ABCC4: variants seen among roughly 807,000 people sequenced by gnomAD.
ABCC4 encodes the protein ATP-binding cassette sub-family C member 4.
ABCC4 carries 102 observed loss-of-function variants against 168.5 expected under a neutral mutation model. The ratio of observed to expected loss-of-function variants is 0.61; its 90% confidence interval spans 0.52 to 0.71. The LOEUF is 0.71. ABCC4 is among the 30% of genes least tolerant of loss of function. The probability of loss-of-function intolerance (pLI) is 0.00; values close to 1 mark genes in which losing one functional copy is unlikely to be tolerated. For missense variants in ABCC4, 1,402 were observed against 1,605.8 expected (o/e 0.87, Z 2.17); for synonymous variants, 617 against 590.7 (o/e 1.04, Z -0.65).
At chr13:95,263,517 A>T (rs1486356387) in intron 1 of ABCC4, among the ~76,000 whole-genome samples, 1 of 152,138 alleles carries the variant, frequency 6.6e-6, no homozygotes, top group Admixed American at 6.6e-5. Flanking sequence ...AAGCAATGAG[A>T]TCCCATAACA....
At chr13:95,141,448 A>C (rs2036314022) in intron 19 of ABCC4, among the ~76,000 whole-genome samples, 1 of 152,228 alleles carries the variant, frequency 6.6e-6, no homozygotes, top group African/African-American at 2.4e-5. Context: ...CAAAGAATTT[A>C]AGAATCCTCT....
At chr13:95,275,165 T>TAC (rs1203341853) in intron 1 of ABCC4, among the ~76,000 whole-genome samples, 1 of 152,212 alleles carries the variant, frequency 6.6e-6, no homozygotes, top group African/African-American at 2.4e-5. Flanking sequence ...GCCCCAGGCC[T>TAC]ACATCACCCT....
chr13:95,197,344 G>T (rs543649841), intron 8 of ABCC4, among the ~76,000 whole-genome samples: 27 of 152,274 alleles, frequency 1.8e-4, no homozygotes, highest in Non-Finnish European at 2.4e-4. Context: ...TGAAGTGTAC[G>T]ACCAAGACAT....
intron 30 of ABCC4, among the ~76,000 whole-genome samples, chr13:95,024,101 G>A (rs1450670068): frequency 1.3e-5 from 2 of 151,858 alleles, no homozygotes; most frequent in Admixed American, 1.3e-4. Context: ...CAGCTACTCG[G>A]GAGGCTGAGG....
intron 29 of ABCC4, among the ~76,000 whole-genome samples, chr13:95,041,970 A>C (rs986053381): frequency 6.6e-6 from 1 of 152,310 alleles, no homozygotes; most frequent in Non-Finnish European, 1.5e-5. Flanking sequence ...CTCCTTACTT[A>C]AATTTATACC....
chr13:95,268,089 C>A (rs1030805838), intron 1 of ABCC4, among the ~76,000 whole-genome samples: 5 of 152,154 alleles, frequency 3.3e-5, no homozygotes, highest in African/African-American at 1.2e-4. Context: ...CTAAGAGACT[C>A]CAATTTGTTC....
chr13:95,124,713 G>GAA (rs59665124), intron 19 of ABCC4, among the ~76,000 whole-genome samples: 2,472 of 59,176 alleles, frequency 0.042, 385 homozygotes, highest in African/African-American at 0.11. Context: ...TACTAAAAAC[G>GAA]AAAAAAAAAA....
chr13:95,250,226 C>T (rs975883490), intron 1 of ABCC4, among the ~76,000 whole-genome samples: 1 of 152,164 alleles, frequency 6.6e-6, no homozygotes, highest in African/African-American at 2.4e-5. Context: ...CAGACCACTG[C>T]CAAATGAGCC....
At chr13:95,066,833 G>C (rs991933419) in intron 25 of ABCC4, among the ~76,000 whole-genome samples, 1 of 152,206 alleles carries the variant, frequency 6.6e-6, no homozygotes, top group Non-Finnish European at 1.5e-5. Flanking sequence ...AGACAGCGGG[G>C]AGAAGTGTGG....
At chr13:95,087,404 A>C in intron 20 of ABCC4, among the ~76,000 whole-genome samples, 1 of 152,140 alleles carries the variant, frequency 6.6e-6, no homozygotes, top group Non-Finnish European at 1.5e-5. Flanking sequence ...CTGCAATCCC[A>C]GCTACTTGGG....
At chr13:95,071,516 G>T in intron 25 of ABCC4, 146 bp downstream of exon 25, 1 of 648,872 alleles carries the variant, frequency 1.5e-6, no homozygotes, top group Non-Finnish European at 2.3e-6. Context: ...CAGGAAGAAT[G>T]TTGGTATCCA....
At chr13:95,106,067 C>T (rs1311024013) in intron 20 of ABCC4, among the ~76,000 whole-genome samples, 2 of 152,054 alleles carry the variant, frequency 1.3e-5, no homozygotes, top group Non-Finnish European at 2.9e-5. Flanking sequence ...CTTGTTTAAC[C>T]TTAAAATTAC....
chr13:95,203,742 A>T (rs923306257), intron 8 of ABCC4, among the ~76,000 whole-genome samples: 1 of 152,068 alleles, frequency 6.6e-6, no homozygotes, highest in African/African-American at 2.4e-5. Context: ...AGATGCACAG[A>T]GGGACACACA....
rs750807873 is a variant in ABCC4, at chr13:95,178,036, G to T, written c.1601C>A (p.Thr534Lys). The change falls in exon 12 of 31, where the codon ACG becomes AAG. Residue 534 changes from threonine to lysine, a missense_variant. Physicochemically the swap from Thr to Lys is moderately conservative, Grantham distance 78. This residue lies in a region of ABCC4 where 1,007 missense variants were observed against 1,127.3 expected (regional missense o/e 0.89). Coordinates refer to ENST00000645237, the MANE Select transcript of ABCC4 (RefSeq NM_005845.5). ...DLTVIGDRGT[T>K]LSGGQKARVN... ...CCGTGCTTTCTGCCCTCCACTCAGC[G>T]TGGTTCCCCGATCTCCTATCACAGT... 4 of 1,614,162 alleles carry T rather than the reference G, an allele frequency of 2.5e-6. No individual in the cohort carries two copies. The highest frequency in any genetic ancestry group is 3.4e-6 in the Non-Finnish European group (4 of 1,180,028).
At position 95,126,720 on chromosome 13, in the gene ABCC4, A is replaced by AATATATATATATAT. The variant is rs71111594; in HGVS notation, c.2456-10733_2456-10720dup. ...ATAAAAATGCATGAACTTTTTTTGG[A>AATATATATATATAT]ATATATATATATATATATATATATA... On this transcript the variant is annotated intron_variant, in intron 19 of 30. Transcript: ENST00000645237. Among the ~76,000 whole-genome samples, 230 of 81,660 alleles carry AATATATATATATAT rather than the reference A, an allele frequency of 2.8e-3. 21 individuals carry two copies. The highest frequency in any genetic ancestry group is 0.011 in the East Asian group (30 of 2,682). 53.6% of individuals were successfully genotyped at this position (81,660 alleles called of 152,430 possible). A position where few individuals can be genotyped will look rare whatever the true frequency, so the allele number is the denominator to read the frequency against.
intron 27 of ABCC4, among the ~76,000 whole-genome samples, chr13:95,045,717 G>C (rs2032547975): frequency 6.6e-6 from 1 of 152,130 alleles, no homozygotes; most frequent in South Asian, 2.1e-4. Flanking sequence ...ACATTTGAGA[G>C]CTATAGAGGA....
chr13:95,301,097 C>G, intron 1 of ABCC4, 144 bp downstream of exon 1: 1 of 733,238 alleles, frequency 1.4e-6, no homozygotes, highest in Non-Finnish European at 2.0e-6. Context: ...AGCAGAAAGC[C>G]CCGGCGTGGA....
At chr13:95,289,960 G>C (rs1271768178) in intron 1 of ABCC4, among the ~76,000 whole-genome samples, 2 of 152,038 alleles carry the variant, frequency 1.3e-5, no homozygotes, top group African/African-American at 2.4e-5. Flanking sequence ...GCCAGGCATG[G>C]TAGCGCATGC....
rs772493052 is a variant in ABCC4, at chr13:95,071,755, T to C, written c.3117A>G (p.Gly1039=). The part of the protein sequence containing the change: ...KRPPPAWPHE[G]VIIFDNVNFM... ...AGTTCACATTGTCAAAGATTATCAC[T>C]CCTTCATGGGGCCAGGCTGGTGGTG... The change falls in exon 25 of 31, where the codon GGA becomes GGG. Residue 1039 remains glycine (G), a synonymous_variant. Transcript: ENST00000645237. The C allele has an allele frequency of 6.2e-7, 1 of 1,607,784 alleles. No individual in the cohort carries two copies. Among genetic ancestry groups the C allele is most frequent in the Non-Finnish European group, 8.5e-7 (1 of 1,177,114 alleles).
Sources: gnomAD v4.1 joint callset for allele counts (sites outside exome capture counted in the v4.1 genomes callset) on GRCh38, gnomAD v4.1.1 for gene constraint, gnomAD v4.1.1 regional missense constraint, MANE v1.5 for transcripts, NCBI Gene and HGNC (gene_info 2026-07-23, HGNC 2026-07-21) for gene names.